Variants in TRIM74 observed in about 807,000 individuals in gnomAD.
TRIM74 encodes the protein tripartite motif containing 74, also known as tripartite motif-containing protein 74.
TRIM74 carries 3 observed loss-of-function variants against 14.5 expected under a neutral mutation model. The observed-to-expected ratio is 0.21, with a 90% CI of 0.09 to 0.53. TRIM74 has a LOEUF of 0.53. TRIM74 is among the 20% of genes least tolerant of loss of function. The probability of loss-of-function intolerance (pLI) is 0.95; values close to 1 mark genes in which losing one functional copy is unlikely to be tolerated. For synonymous variants in TRIM74, 10 were observed against 71.3 expected, an observed-to-expected ratio of 0.14 and a Z score of 4.33; for missense variants, 26 against 174.0, an observed-to-expected ratio of 0.15 and a Z score of 4.79.
Position 72,959,493 on chromosome 7 carries a change from A to AT in TRIM74, c.*388dup. On this transcript the variant is annotated 3_prime_UTR_variant, in exon 5 of 5. Coordinates refer to ENST00000285805, the MANE Select transcript of TRIM74 (RefSeq NM_198853.3). ...AGGCGCATGCCACCATGCCCAACTA[A>AT]TTTTTTTATTTTTGTATTTTTTGTA... 1 of 338,674 alleles carries AT rather than the reference A, an allele frequency of 3.0e-6. No homozygotes were observed. The highest frequency in any genetic ancestry group is 5.6e-6 in the Non-Finnish European group (1 of 177,082). 21.0% of individuals were successfully genotyped at this position (338,674 alleles called of 1,614,324 possible).
In TRIM74 at chr7:72,965,929, C is replaced by T; in HGVS notation, c.229G>A (p.Ala77Thr). 1 of 444,108 alleles carries T rather than the reference C, an allele frequency of 2.3e-6. No homozygotes were observed. Among genetic ancestry groups the T allele is most frequent in the Middle Eastern group, 6.2e-4 (1 of 1,616 alleles). 27.5% of individuals were successfully genotyped at this position (444,108 alleles called of 1,614,324 possible). Residue 77 changes from alanine to threonine, a missense_variant, in exon 2 of 5, where the codon GCC (alanine) becomes ACC (threonine). Physicochemically the swap from Ala to Thr is moderately conservative, Grantham distance 58. Transcript: ENST00000285805. ...TCCGGGTCCCCAGGGAGCCTCAGGG[C>T]TTCGATCACCCAGGCCAGGGAGACG... is the stretch of plus-strand genomic sequence containing the variant. Reference protein sequence around the residue: ...PNVSLAWVIEALRLPGDPEPK... With the variant: ...PNVSLAWVIETLRLPGDPEPK...
At chr7:72,955,108 TA>T (rs879253481), downstream of TRIM74, 14,103 of 130,782 alleles carry the variant, frequency 0.11, 663 homozygotes, top group African/African-American at 0.19. Context: ...TATATATATA[TA>T]TATTTTTTTT....
At chr7:72,956,814 AAGAG>A (rs1563184312), downstream of TRIM74, among the ~76,000 whole-genome samples, 1 of 147,498 alleles carries the variant, frequency 6.8e-6, no homozygotes, top group East Asian at 2.1e-4. Context: ...GTATCCCTAT[AAGAG>A]AGAGGCAGAG....
At chr7:72,955,086 TG>T, downstream of TRIM74, 1 of 358,856 alleles carries the variant, frequency 2.8e-6, no homozygotes. Flanking sequence ...TGTGTATGTG[TG>T]TATATATATA....
downstream of TRIM74, chr7:72,955,114 T>A (rs1554505457): frequency 5.8e-3 from 1,112 of 193,182 alleles, 11 homozygotes; most frequent in Middle Eastern, 0.02. Flanking sequence ...TATATATATT[T>A]TTTTTTTTTT....
chr7:72,955,617 G>T (rs1424479582), downstream of TRIM74, among the ~76,000 whole-genome samples: 1 of 150,480 alleles, frequency 6.6e-6, no homozygotes, highest in Non-Finnish European at 1.5e-5. Flanking sequence ...CCTGAAATGG[G>T]CCGGTTTGGC....
downstream of TRIM74, among the ~76,000 whole-genome samples, chr7:72,957,065 AG>A (rs1278573016): frequency 6.6e-6 from 1 of 151,184 alleles, no homozygotes; most frequent in Admixed American, 6.6e-5. Context: ...GGTTGCAGTG[AG>A]CCGAGATCAC....
chr7:72,955,111 A>ATATATATAT (rs1346659193), downstream of TRIM74: 2 of 112,068 alleles, frequency 1.8e-5, no homozygotes, highest in African/African-American at 8.3e-5. Context: ...ATATATATAT[A>ATATATATAT]TTTTTTTTTT....
downstream of TRIM74, chr7:72,955,011 T>A: frequency 1.6e-6 from 1 of 635,136 alleles, no homozygotes; most frequent in East Asian, 2.9e-5. Context: ...TAACCGCAGT[T>A]ATTGCGTTGA....
At chr7:72,958,987 T>G (rs1798129304), downstream of TRIM74, among the ~76,000 whole-genome samples, 1 of 38,298 alleles carries the variant, frequency 2.6e-5, no homozygotes. Context: ...GTTCGTTTGT[T>G]GGGTCTAGAA....
chr7:72,954,963 T>A (rs1428948060), downstream of TRIM74: 3 of 593,490 alleles, frequency 5.1e-6, no homozygotes, highest in East Asian at 5.8e-5. Flanking sequence ...TCAGTCTTTG[T>A]CAATCTGATG....
At chr7:72,969,146 C>CT (rs1375668403) in intron 1 of TRIM74, 139 bp downstream of exon 1, 2 of 200,666 alleles carry the variant, frequency 1.0e-5, no homozygotes, top group African/African-American at 2.4e-5. Context: ...AGTGCTTCCC[C>CT]TGTGCCCTGA....
downstream of TRIM74, chr7:72,955,109 A>AT (rs1490163208): frequency 2.6e-3 from 288 of 111,152 alleles, 1 homozygote; most frequent in African/African-American, 5.8e-3. Context: ...ATATATATAT[A>AT]TATTTTTTTT....
intron 1 of TRIM74, among the ~76,000 whole-genome samples, chr7:72,967,157 T>C (rs1441517450): frequency 6.6e-6 from 1 of 152,302 alleles, no homozygotes; most frequent in African/African-American, 2.4e-5. Flanking sequence ...CTAGGCACAC[T>C]GTCCACACCT....
At chr7:72,956,959 C>T (rs1219093471), downstream of TRIM74, among the ~76,000 whole-genome samples, 1 of 152,412 alleles carries the variant, frequency 6.6e-6, no homozygotes, top group South Asian at 2.1e-4. Context: ...GAAACCACGT[C>T]TCTACTAAAA....
chr7:72,954,985 G>C (rs1204854048), downstream of TRIM74: 9 of 579,644 alleles, frequency 1.6e-5, no homozygotes, highest in Admixed American at 1.2e-4. Flanking sequence ...ATAAATAATG[G>C]GATTTTACTG....
chr7:72,962,750 G>A (rs1348192414), intron 2 of TRIM74, among the ~76,000 whole-genome samples: 24 of 107,556 alleles, frequency 2.2e-4, no homozygotes, highest in South Asian at 7.2e-4. Context: ...AGAGGGTCTC[G>A]ATGTCACCCC....
chr7:72,966,383 A>ATG, intron 1 of TRIM74, among the ~76,000 whole-genome samples: 1 of 136,290 alleles, frequency 7.3e-6, no homozygotes, highest in African/African-American at 3.3e-5. Flanking sequence ...CCTTGAAGAT[A>ATG]CGTGTGTGTG....
chr7:72,962,749 C>A (rs1275154236), intron 2 of TRIM74, among the ~76,000 whole-genome samples: 1 of 110,250 alleles, frequency 9.1e-6, no homozygotes, highest in African/African-American at 3.7e-5. Flanking sequence ...AAGAGGGTCT[C>A]GATGTCACCC....
Sources: allele counts gnomAD v4.1 joint callset (sites outside exome capture counted in the v4.1 genomes callset), GRCh38; gene constraint gnomAD v4.1.1; transcripts MANE v1.5; gene names NCBI Gene and HGNC (gene_info 2026-07-23, HGNC 2026-07-21).